VTI1A: variants seen among roughly 807,000 people sequenced by gnomAD.
VTI1A encodes the protein vesicle transport through interaction with t-SNAREs 1A, also known as vesicle transport through interaction with t-SNAREs homolog 1A.
Under a neutral mutation model 34.9 loss-of-function variants are expected in VTI1A, and 22 were observed. The ratio of observed to expected loss-of-function variants is 0.63; its 90% CI spans 0.45 to 0.90. VTI1A has a LOEUF of 0.90. VTI1A is among the 40% of genes least tolerant of loss of function. The pLI is 0.00. For synonymous variants in VTI1A, 87 were observed against 97.3 expected, an observed-to-expected ratio of 0.89 and a Z score of 0.62; for missense variants, 268 against 275.6, an observed-to-expected ratio of 0.97 and a Z score of 0.20.
intron 1 of VTI1A, among the ~76,000 whole-genome samples, chr10:112,452,405 T>C (rs748605225): frequency 2.0e-5 from 3 of 152,124 alleles, no homozygotes; most frequent in East Asian, 3.9e-4. Context: ...CCGTCTCTAC[T>C]AGAAATACAA....
intron 5 of VTI1A, among the ~76,000 whole-genome samples, chr10:112,592,205 C>A (rs1844419008): frequency 6.6e-6 from 1 of 152,192 alleles, no homozygotes; most frequent in Admixed American, 6.5e-5. Flanking sequence ...CTGGGCAACA[C>A]CTTGATCTTG....
chr10:112,794,415 G>A (rs1160902625), intron 7 of VTI1A, among the ~76,000 whole-genome samples: 2 of 151,988 alleles, frequency 1.3e-5, no homozygotes, highest in Admixed American at 6.6e-5. Flanking sequence ...AGCCAGGTGT[G>A]GTCATGCATG....
chr10:112,637,472 A>G (rs1846399616), intron 5 of VTI1A, among the ~76,000 whole-genome samples: 2 of 152,196 alleles, frequency 1.3e-5, no homozygotes, highest in Non-Finnish European at 2.9e-5. Context: ...ATCCTGGCTA[A>G]CAGGGTGAAA....
chr10:112,552,559 G>C (rs1851396288), intron 5 of VTI1A, among the ~76,000 whole-genome samples: 1 of 151,842 alleles, frequency 6.6e-6, no homozygotes, highest in South Asian at 2.1e-4. Flanking sequence ...ATGTAGGTGA[G>C]TCAAAGGGAT....
chr10:112,477,033 T>C (rs557495509), intron 3 of VTI1A, among the ~76,000 whole-genome samples: 1 of 152,350 alleles, frequency 6.6e-6, no homozygotes, highest in African/African-American at 2.4e-5. Flanking sequence ...TATTTTAAGC[T>C]TTCTTATACA....
At chr10:112,646,254 A>T (rs1846778066) in intron 5 of VTI1A, among the ~76,000 whole-genome samples, 1 of 152,172 alleles carries the variant, frequency 6.6e-6, no homozygotes, top group South Asian at 2.1e-4. Context: ...AAAAACTTGG[A>T]AGTTAAAAAA....
At chr10:112,512,056 T>A (rs1484722037) in intron 3 of VTI1A, among the ~76,000 whole-genome samples, 1 of 152,188 alleles carries the variant, frequency 6.6e-6, no homozygotes. Context: ...ATATATTGAT[T>A]TCTTTTCCTT....
At chr10:112,591,518 T>TCACACACACACA (rs61256241) in intron 5 of VTI1A, among the ~76,000 whole-genome samples, 3,473 of 150,780 alleles carry the variant, frequency 0.023, 81 homozygotes, top group African/African-American at 0.048. Context: ...AGACTCCGTC[T>TCACACACACACA]CACACACACA....
At chr10:112,726,179 C>T (rs1051350445) in intron 7 of VTI1A, among the ~76,000 whole-genome samples, 3 of 152,092 alleles carry the variant, frequency 2.0e-5, no homozygotes, top group Non-Finnish European at 4.4e-5. Flanking sequence ...CTTATAATGG[C>T]CAGTGCTCCC....
chr10:112,593,579 A>T (rs1844482463), intron 5 of VTI1A, among the ~76,000 whole-genome samples: 1 of 152,188 alleles, frequency 6.6e-6, no homozygotes. Context: ...GTTTAGGGAA[A>T]ATAGAAAAGC....
chr10:112,822,300 G>C (rs1274215162), downstream of VTI1A, among the ~76,000 whole-genome samples: 1 of 152,208 alleles, frequency 6.6e-6, no homozygotes, highest in African/African-American at 2.4e-5. Context: ...AGGGCTGCAT[G>C]CAGGCAAACA....
chr10:112,847,483 T>G, the VTI1A span, among the ~76,000 whole-genome samples: 1 of 152,254 alleles, frequency 6.6e-6, no homozygotes, highest in Non-Finnish European at 1.5e-5. Flanking sequence ...AGCCAGAAAC[T>G]CAAGCAAGAA....
At chr10:112,714,968 TA>T (rs1849553136) in intron 7 of VTI1A, among the ~76,000 whole-genome samples, 1 of 152,208 alleles carries the variant, frequency 6.6e-6, no homozygotes, top group South Asian at 2.1e-4. Context: ...GTTATATGGA[TA>T]AAATTAAAAC....
intron 5 of VTI1A, among the ~76,000 whole-genome samples, chr10:112,555,107 G>C (rs1851497490): frequency 6.6e-6 from 1 of 151,964 alleles, no homozygotes; most frequent in African/African-American, 2.4e-5. Flanking sequence ...TGAGATTATA[G>C]ATTTTTTCCC....
At chr10:112,607,452 C>T (rs1232763713) in intron 5 of VTI1A, among the ~76,000 whole-genome samples, 3 of 152,126 alleles carry the variant, frequency 2.0e-5, no homozygotes, top group Non-Finnish European at 4.4e-5. Flanking sequence ...ACACCAACAA[C>T]TCCAGGAGCA....
intron 7 of VTI1A, among the ~76,000 whole-genome samples, chr10:112,744,459 C>CTTTTTT (rs11400561): frequency 7.9e-5 from 10 of 126,064 alleles, no homozygotes; most frequent in African/African-American, 2.9e-4. Context: ...CTTCTTCTTC[C>CTTTTTT]TTTTTTTTTT....
intron 5 of VTI1A, among the ~76,000 whole-genome samples, chr10:112,584,165 A>G (rs1360925927): frequency 6.6e-6 from 1 of 152,192 alleles, no homozygotes; most frequent in Non-Finnish European, 1.5e-5. Flanking sequence ...ATCCTTTTTC[A>G]TTAATTCCCC....
chr10:112,474,144 C>G (rs923653998), intron 3 of VTI1A, among the ~76,000 whole-genome samples: 40 of 152,176 alleles, frequency 2.6e-4, no homozygotes, highest in African/African-American at 9.4e-4. Flanking sequence ...TCACTGCAAG[C>G]TCCGCCTCCC....
chr10:112,778,991 A>T (rs921649863), intron 7 of VTI1A, among the ~76,000 whole-genome samples: 1 of 152,178 alleles, frequency 6.6e-6, no homozygotes, highest in Non-Finnish European at 1.5e-5. Context: ...AAGAATAATA[A>T]TCGAAGTGGA....
Sources: gnomAD v4.1 joint callset for allele counts (sites outside exome capture counted in the v4.1 genomes callset) on GRCh38, gnomAD v4.1.1 for gene constraint, MANE v1.5 for transcripts, NCBI Gene and HGNC (gene_info 2026-07-23, HGNC 2026-07-21) for gene names.